The following DDX4 variants were observed in gnomAD, a reference collection of about 807,000 sequenced individuals.
DDX4 encodes the protein DEAD-box helicase 4, also known as probable ATP-dependent RNA helicase DDX4.
A neutral mutation model predicts 100.0 loss-of-function variants in DDX4; 25 were observed. The ratio of observed to expected loss-of-function variants is 0.25; its 90% CI spans 0.18 to 0.35. DDX4 has a LOEUF of 0.35. Among genes scored for constraint, DDX4 ranks in the 10% least tolerant of loss-of-function variants. DDX4 has a pLI of 1.00. For synonymous variants in DDX4, 259 were observed against 275.7 expected, an observed-to-expected ratio of 0.94 and a Z score of 0.60; for missense variants, 635 against 882.4, an observed-to-expected ratio of 0.72 and a Z score of 3.55.
At chr5:55,809,903 CTT>C (rs1397921492) in intron 18 of DDX4, among the ~76,000 whole-genome samples, 1 of 152,158 alleles carries the variant, frequency 6.6e-6, no homozygotes, top group African/African-American at 2.4e-5. Flanking sequence ...ACCTTCAAGA[CTT>C]TGATAAATAT....
intron 9 of DDX4, 116 bp from the exon 10 acceptor site, chr5:55,781,818 T>G: frequency 8.6e-7 from 1 of 1,156,698 alleles, no homozygotes; most frequent in Non-Finnish European, 1.2e-6. Flanking sequence ...GATGGATGGG[T>G]TAAAGGACCA....
chr5:55,797,412 A>G (rs1173084521), intron 17 of DDX4, among the ~76,000 whole-genome samples: 1 of 152,206 alleles, frequency 6.6e-6, no homozygotes, highest in Non-Finnish European at 1.5e-5. Context: ...TTAGTGAATG[A>G]AAAGGGTGAT....
intron 3 of DDX4, among the ~76,000 whole-genome samples, chr5:55,758,000 G>A (rs1760046501): frequency 6.6e-6 from 1 of 152,190 alleles, no homozygotes; most frequent in Non-Finnish European, 1.5e-5. Flanking sequence ...AGCGGAAATT[G>A]TGCCACTGCA....
intron 18 of DDX4, among the ~76,000 whole-genome samples, chr5:55,805,571 G>A (rs200454979): frequency 0.026 from 3,942 of 152,154 alleles, 73 homozygotes; most frequent in South Asian, 0.051. Flanking sequence ...TTCTGCATCT[G>A]TTGAGATGAT....
At chr5:55,786,780 C>CT (rs1295029758) in intron 14 of DDX4, 110 bp downstream of exon 14, 1 of 810,264 alleles carries the variant, frequency 1.2e-6, no homozygotes, top group Non-Finnish European at 2.0e-6. Context: ...TTTCAGTTAC[C>CT]TGTCATAAGT....
chr5:55,796,080 A>G (rs145929276), intron 17 of DDX4, among the ~76,000 whole-genome samples: 280 of 152,332 alleles, frequency 1.8e-3, no homozygotes, highest in African/African-American at 4.8e-3. Context: ...CAAGCATCCA[A>G]CATGGGAAGA....
chr5:55,815,466 C>G, intron 21 of DDX4, 43 bp downstream of exon 21: 1 of 1,582,040 alleles, frequency 6.3e-7, no homozygotes, highest in South Asian at 1.2e-5. Context: ...TCTAGTTACT[C>G]TTTGTAAATG....
intron 18 of DDX4, among the ~76,000 whole-genome samples, chr5:55,811,167 A>T (rs1479143423): frequency 6.6e-6 from 1 of 152,118 alleles, no homozygotes; most frequent in Non-Finnish European, 1.5e-5. Flanking sequence ...TTAAACAGTA[A>T]ATTAAGAAAG....
Position 55,738,866 on chromosome 5 carries a change from T to C in DDX4, c.-14-84T>C, listed in dbSNP as rs571671412. ...CCTAGTTGGGTAGTTTCAAGATGTA[T>C]GTGAAACAATGAGTTTATGCTTTTA... On this transcript the variant is annotated intron_variant, in intron 1 of 21. Transcript: ENST00000505374. The C allele has an allele frequency of 5.9e-6, 5 of 842,150 alleles. No individual in the cohort carries two copies. In the East Asian group the frequency reaches 1.2e-4, roughly 20 times the overall value. The allele number at this position is 842,150 out of a possible 1,614,324, so 52.2% of individuals were successfully genotyped here. A position where few individuals can be genotyped will look rare whatever the true frequency, so the allele number is the denominator to read the frequency against.
intron 18 of DDX4, among the ~76,000 whole-genome samples, chr5:55,798,824 A>G (rs3761778): frequency 0.41 from 61,620 of 151,958 alleles, 13,980 homozygotes; most frequent in African/African-American, 0.59. Context: ...TCCACCAGAA[A>G]TGTATCTATT....
At chr5:55,756,909 G>T (rs1455272364) in intron 3 of DDX4, among the ~76,000 whole-genome samples, 1 of 151,640 alleles carries the variant, frequency 6.6e-6, no homozygotes. Context: ...GGATTGCCGT[G>T]ATATATATCA....
chr5:55,793,891 A>G (rs1017682559), intron 17 of DDX4, among the ~76,000 whole-genome samples: 7 of 152,106 alleles, frequency 4.6e-5, no homozygotes, highest in Non-Finnish European at 1.0e-4. Flanking sequence ...TGTGAATCCT[A>G]TGGTTATGGG....
At position 55,741,024 on chromosome 5, in the gene DDX4, C is replaced by G. The variant is rs3804268; in HGVS notation, c.69+1992C>G. Among the ~76,000 whole-genome samples the G allele has an allele frequency of 2.2e-3, 331 of 152,158 alleles. 1 individual carries two copies. The highest frequency in any genetic ancestry group is 0.015 in the East Asian group (78 of 5,178). ...ACATTTTTTATCATTCTTTTTCCTC[C>G]TTGTTCTCAATAGATTTGTTATAAC... is the stretch of plus-strand genomic sequence containing the variant. On this transcript the variant is annotated intron_variant, in intron 2 of 21. Coordinates refer to ENST00000505374, the MANE Select transcript of DDX4 (RefSeq NM_024415.3).
chr5:55,784,272 A>G (rs1032989668), intron 10 of DDX4, among the ~76,000 whole-genome samples: 2 of 152,166 alleles, frequency 1.3e-5, no homozygotes, highest in Admixed American at 1.3e-4. Flanking sequence ...CTGATGTCCA[A>G]GGACAAGAGA....
chr5:55,741,452 T>G (rs1758977417), intron 2 of DDX4, among the ~76,000 whole-genome samples: 1 of 152,208 alleles, frequency 6.6e-6, no homozygotes, highest in Non-Finnish European at 1.5e-5. Flanking sequence ...CGAAGGAACA[T>G]GGTGCAATCA....
chr5:55,764,455 T>G (rs1189236662), intron 6 of DDX4, among the ~76,000 whole-genome samples: 1 of 152,176 alleles, frequency 6.6e-6, no homozygotes, highest in Non-Finnish European at 1.5e-5. Context: ...AAATCAGTGC[T>G]GAAATTAAAG....
intron 7 of DDX4, among the ~76,000 whole-genome samples, chr5:55,771,853 G>T (rs1741271912): frequency 6.6e-6 from 1 of 152,070 alleles, no homozygotes. Flanking sequence ...CAAGTCGTTT[G>T]CCCATTTTTC....
At chr5:55,781,897 G>A in intron 9 of DDX4, 37 bp from the exon 10 acceptor site, 1 of 1,611,504 alleles carries the variant, frequency 6.2e-7, no homozygotes, top group Non-Finnish European at 8.5e-7. Flanking sequence ...CAGCAGCTGT[G>A]TTTTATCTAA....
intron 3 of DDX4, among the ~76,000 whole-genome samples, chr5:55,751,037 T>C (rs961155773): frequency 1.3e-5 from 2 of 152,136 alleles, no homozygotes; most frequent in Non-Finnish European, 2.9e-5. Flanking sequence ...CGAGTAGAAT[T>C]ACAGGGTTAT....
Sources: allele counts gnomAD v4.1 joint callset (sites outside exome capture counted in the v4.1 genomes callset), GRCh38; gene constraint gnomAD v4.1.1; transcripts MANE v1.5; gene names NCBI Gene and HGNC (gene_info 2026-07-23, HGNC 2026-07-21).